The following XRN1 variants were observed in gnomAD, a reference collection of about 807,000 sequenced individuals.
XRN1 encodes the protein 5'-3' exoribonuclease 1, also known as strand-exchange protein 1 homolog.
A neutral mutation model predicts 222.3 loss-of-function variants in XRN1; 67 were observed. The observed-to-expected ratio is 0.30, with a 90% confidence interval of 0.25 to 0.37. XRN1 has a LOEUF of 0.37. Ranked by LOEUF, XRN1 falls within the 10% of genes least tolerant of loss-of-function variation. XRN1 has a pLI of 1.00. For missense variants in XRN1, 1,707 were observed against 2,000.2 expected, an observed-to-expected ratio of 0.85 and a Z score of 2.80; for synonymous variants, 643 against 652.4, an observed-to-expected ratio of 0.99 and a Z score of 0.22.
chr3:142,334,767 TACAC>T (rs761753366), intron 34 of XRN1, among the ~76,000 whole-genome samples: 1,186 of 90,350 alleles, frequency 0.013, 7 homozygotes, highest in Middle Eastern at 0.068. Flanking sequence ...TGTCTATGTA[TACAC>T]ACACACACAC....
In XRN1 at chr3:142,371,411, A is replaced by T. The variant is rs1436674585; in HGVS notation, c.2979-83T>A. 15 of 983,108 alleles carry T rather than the reference A, an allele frequency of 1.5e-5. No individual in the cohort carries two copies. The Admixed American group carries it at 3.3e-4, about 22-fold the overall frequency. The allele number at this position is 983,108 out of a possible 1,614,324, so 60.9% of individuals were successfully genotyped here. A position where few individuals can be genotyped will look rare whatever the true frequency, so the allele number is the denominator to read the frequency against. ...TTCCTACATAATAATTTCAGATCCT[A>T]AAGAAACATATAAAGCTTATTGAGG... On this transcript the variant is annotated intron_variant, in intron 25 of 40. Coordinates refer to ENST00000392981, the MANE Select transcript of XRN1 (RefSeq NM_001282857.2).
At chr3:142,320,436 CTTG>C (rs1176943249) in intron 37 of XRN1, among the ~76,000 whole-genome samples, 1 of 152,030 alleles carries the variant, frequency 6.6e-6, no homozygotes, top group Non-Finnish European at 1.5e-5. Flanking sequence ...CTGTTTTTTA[CTTG>C]TTGAGTTCCT....
At chr3:142,316,181 C>T in intron 39 of XRN1, among the ~76,000 whole-genome samples, 1 of 149,810 alleles carries the variant, frequency 6.7e-6, no homozygotes, top group Non-Finnish European at 1.5e-5. Context: ...TCTTGTAAAA[C>T]CTTTTGTTTT....
At chr3:142,348,238 A>G (rs2066204891) in intron 32 of XRN1, among the ~76,000 whole-genome samples, 1 of 152,156 alleles carries the variant, frequency 6.6e-6, no homozygotes, top group Non-Finnish European at 1.5e-5. Flanking sequence ...TACATTATGA[A>G]AATTGAGGAT....
intron 33 of XRN1, among the ~76,000 whole-genome samples, chr3:142,340,195 A>C (rs558837829): frequency 6.6e-6 from 1 of 152,142 alleles, no homozygotes; most frequent in East Asian, 1.9e-4. Context: ...GTCTCTACTA[A>C]AAATACAAAA....
chr3:142,413,202 G>A (rs952855135), intron 14 of XRN1, among the ~76,000 whole-genome samples: 6 of 152,178 alleles, frequency 3.9e-5, no homozygotes, highest in East Asian at 1.9e-4. Flanking sequence ...ACTTTATAAC[G>A]GAGGTAGACA....
At chr3:142,322,928 G>C (rs751056612) in intron 37 of XRN1, among the ~76,000 whole-genome samples, 1 of 152,014 alleles carries the variant, frequency 6.6e-6, no homozygotes, top group Non-Finnish European at 1.5e-5. Flanking sequence ...GCTTGAACCC[G>C]GGAGGCGGAG....
chr3:142,422,938 T>A lies in XRN1; in HGVS notation c.711-16A>T. The A allele has an allele frequency of 6.3e-7, 1 of 1,579,856 alleles. No homozygotes were observed. ...AGCACATACCCTGGAATTAGTCAGA[T>A]GATCAAGATACAGTGAATTTTATTT... On this transcript the variant is annotated splice_polypyrimidine_tract_variant and intron_variant, in intron 6 of 40. Transcript: ENST00000392981.
intron 39 of XRN1, among the ~76,000 whole-genome samples, chr3:142,314,854 C>T (rs2065163705): frequency 7.7e-6 from 1 of 129,812 alleles, no homozygotes; most frequent in Admixed American, 9.0e-5. Flanking sequence ...GCAGTGAGCC[C>T]TGATCATGCC....
rs991071379 is a variant in XRN1, at chr3:142,419,484, T to C, written c.1174-603A>G. ...AAGAGTCATTAAGTTTGAACCTAAA[T>C]AGAACCAGTACAGCAAGGAGAGTAA... On this transcript the variant is annotated intron_variant, in intron 10 of 40. Transcript: ENST00000392981. 9.2e-5 allele frequency among the ~76,000 whole-genome samples: 14 copies of C among 152,110 alleles called. No individual in the cohort carries two copies. The East Asian group carries it at 1.9e-3, about 21-fold the overall frequency.
intron 13 of XRN1, among the ~76,000 whole-genome samples, chr3:142,415,554 T>C (rs369234750): frequency 1.3e-5 from 2 of 152,234 alleles, no homozygotes. Flanking sequence ...ATGCTTTTTA[T>C]GTGCTTGGCC....
At chr3:142,328,773 T>C (rs2065608578) in intron 37 of XRN1, among the ~76,000 whole-genome samples, 1 of 95,472 alleles carries the variant, frequency 1.0e-5, no homozygotes, top group Non-Finnish European at 2.1e-5. Flanking sequence ...ATATATATGT[T>C]TCAGAGACAA....
At position 142,333,102 on chromosome 3, in the gene XRN1, A is replaced by G. The variant is rs369801820; in HGVS notation, c.3940-13T>C. ...TTCCAGAGTTAGGCTAAAAGAATAA[A>G]TATTTTGGGCATGAAGATGAACGTA... On this transcript the variant is annotated splice_polypyrimidine_tract_variant and intron_variant, in intron 34 of 40. Coordinates refer to ENST00000392981, the MANE Select transcript of XRN1 (RefSeq NM_001282857.2). 58 of 1,609,300 alleles carry G rather than the reference A, an allele frequency of 3.6e-5. No homozygotes were observed. Among genetic ancestry groups the G allele is most frequent in the African/African-American group, 2.5e-4 (19 of 74,676 alleles).
At chr3:142,422,512 T>C in intron 8 of XRN1, 70 bp downstream of exon 8, 1 of 1,490,712 alleles carries the variant, frequency 6.7e-7, no homozygotes, top group South Asian at 1.2e-5. Flanking sequence ...TCTACTAAAC[T>C]AAGTCACATT....
chr3:142,334,724 A>T (rs2065801062), intron 34 of XRN1, among the ~76,000 whole-genome samples: 1 of 151,202 alleles, frequency 6.6e-6, no homozygotes, highest in African/African-American at 2.4e-5. Context: ...TATATATAAG[A>T]CCATATATAA....
Position 142,328,421 on chromosome 3 carries a change from A to G in XRN1, c.4404+1013T>C, listed in dbSNP as rs190903328. On this transcript the variant is annotated intron_variant, in intron 37 of 40. Transcript: ENST00000392981. ...GGGCCATTCAGAAACATAATGTTTA[A>G]TTTCCATTTATTTGTATAGTTTCCA... is the stretch of plus-strand genomic sequence containing the variant. Among the ~76,000 whole-genome samples the G allele has an allele frequency of 4.3e-3, 646 of 151,884 alleles. 12 individuals are homozygous for G. The highest frequency in any genetic ancestry group is 0.015 in the African/African-American group (627 of 41,460).
At chr3:142,391,070 T>TA (rs2067694732) in intron 20 of XRN1, among the ~76,000 whole-genome samples, 1 of 152,098 alleles carries the variant, frequency 6.6e-6, no homozygotes, top group Admixed American at 6.6e-5. Flanking sequence ...TCACTGATCA[T>TA]AGATGACCAT....
chr3:142,431,922 A>T (rs1376230149), intron 2 of XRN1, among the ~76,000 whole-genome samples: 2 of 80,502 alleles, frequency 2.5e-5, no homozygotes, highest in Non-Finnish European at 4.5e-5. Context: ...AAATATATAT[A>T]ATATAATATA....
intron 23 of XRN1, 110 bp from the exon 24 acceptor site, chr3:142,376,704 T>TAGTGA: frequency 1.3e-6 from 1 of 790,616 alleles, no homozygotes; most frequent in Non-Finnish European, 2.0e-6. Context: ...AACCATTGGA[T>TAGTGA]TGTGGCAATA....
Sources: allele counts gnomAD v4.1 joint callset (sites outside exome capture counted in the v4.1 genomes callset), GRCh38; gene constraint gnomAD v4.1.1; transcripts MANE v1.5; gene names NCBI Gene and HGNC (gene_info 2026-07-23, HGNC 2026-07-21).